AAK1: variants seen among roughly 807,000 people sequenced by gnomAD.
AAK1 encodes the protein AP2-associated protein kinase 1.
A neutral mutation model predicts 116.0 loss-of-function variants in AAK1; 37 were observed. That is an observed-to-expected ratio of 0.32 (90% confidence interval 0.25 to 0.42). The LOEUF (loss-of-function observed/expected upper bound fraction) is 0.42. Ranked by LOEUF, AAK1 falls within the 10% of genes least tolerant of loss-of-function variation. AAK1 has a pLI of 1.00. For synonymous variants in AAK1, 458 were observed against 439.9 expected, an observed-to-expected ratio of 1.04 and a Z score of -0.51; for missense variants, 919 against 1,170.6, an observed-to-expected ratio of 0.79 and a Z score of 3.14.
chr2:69,476,233 A>G (rs1674852433), intron 21 of AAK1, among the ~76,000 whole-genome samples: 1 of 152,196 alleles, frequency 6.6e-6, no homozygotes, highest in Admixed American at 6.5e-5. Context: ...CAAAGAGGGC[A>G]CTATTTTCAA....
At chr2:69,614,787 G>A (rs946162266) in intron 2 of AAK1, among the ~76,000 whole-genome samples, 2 of 152,150 alleles carry the variant, frequency 1.3e-5, no homozygotes, top group African/African-American at 4.8e-5. Flanking sequence ...GTCCTTAGAA[G>A]AGACACTCAG....
chr2:69,484,880 T>A (rs2312206), intron 17 of AAK1, among the ~76,000 whole-genome samples: 7,429 of 142,452 alleles, frequency 0.052, 426 homozygotes, highest in East Asian at 0.2. Context: ...AAAAAAAAAA[T>A]AATAATAATA....
At chr2:69,511,482 C>T (rs569203527) in intron 13 of AAK1, among the ~76,000 whole-genome samples, 1 of 152,232 alleles carries the variant, frequency 6.6e-6, no homozygotes, top group Non-Finnish European at 1.5e-5. Flanking sequence ...ACCACAGCTC[C>T]AGCTCCACAA....
chr2:69,465,627 T>A lies in AAK1; in HGVS notation c.*10242A>T, dbSNP rs755145042. 7.7e-7 allele frequency: 1 copy of A among 1,290,878 alleles called. No homozygotes were observed. The highest frequency in any genetic ancestry group is 1.2e-5 in the South Asian group (1 of 81,024). The allele number at this position is 1,290,878 out of a possible 1,614,324, so 80.0% of individuals were successfully genotyped here. A position where few individuals can be genotyped will look rare whatever the true frequency, so the allele number is the denominator to read the frequency against. Reference sequence around the variant, plus strand: ...GTCTTCTGGGCTATAGTGACGGGAATACTTGGATAAGGACTGGGGGCGGAA... The same window carrying A: ...GTCTTCTGGGCTATAGTGACGGGAAAACTTGGATAAGGACTGGGGGCGGAA... On this transcript the variant is annotated 3_prime_UTR_variant, in exon 22 of 22. Coordinates refer to ENST00000409085, the MANE Select transcript of AAK1 (RefSeq NM_014911.5).
At chr2:69,557,385 T>TTGACCTCC (rs1671430973) in intron 2 of AAK1, among the ~76,000 whole-genome samples, 2 of 151,870 alleles carry the variant, frequency 1.3e-5, no homozygotes, top group South Asian at 4.2e-4. Flanking sequence ...CACTGCAGCC[T>TTGACCTCC]TGACCTCCTG....
intron 2 of AAK1, among the ~76,000 whole-genome samples, chr2:69,579,757 T>C (rs1010087783): frequency 2.0e-5 from 3 of 152,190 alleles, no homozygotes; most frequent in Admixed American, 6.5e-5. Context: ...TCCTGAGTCA[T>C]CTCTGTTCAC....
intron 16 of AAK1, among the ~76,000 whole-genome samples, chr2:69,503,751 C>T (rs1676065731): frequency 6.6e-6 from 1 of 152,138 alleles, no homozygotes; most frequent in South Asian, 2.1e-4. Context: ...AAACTCTTGA[C>T]CTTAAGCGAT....
At chr2:69,638,846 C>T (rs1050481878) in intron 2 of AAK1, among the ~76,000 whole-genome samples, 3 of 152,320 alleles carry the variant, frequency 2.0e-5, no homozygotes, top group East Asian at 3.9e-4. Context: ...TCAAAGGCCA[C>T]GCTTAAGTGC....
chr2:69,473,296 C>T lies in AAK1; in HGVS notation c.*2573G>A. ...AGAGGATGGTGGACTAGAGGATGGT[C>T]TCAAAGGTCCCTTTGTAGCTCAGGC... On this transcript the variant is annotated 3_prime_UTR_variant, in exon 22 of 22. Coordinates refer to ENST00000409085, the MANE Select transcript of AAK1 (RefSeq NM_014911.5). 2.0e-5 allele frequency: 20 copies of T among 983,916 alleles called. No homozygotes were observed. Among genetic ancestry groups the T allele is most frequent in the Non-Finnish European group, 2.4e-5 (20 of 828,502 alleles). 60.9% of individuals were successfully genotyped at this position (983,916 alleles called of 1,614,324 possible).
chr2:69,546,257 G>C (rs185921470), intron 3 of AAK1, among the ~76,000 whole-genome samples: 1 of 152,312 alleles, frequency 6.6e-6, no homozygotes, highest in East Asian at 1.9e-4. Flanking sequence ...TGACAAAGAA[G>C]TTTGATGAGA....
At chr2:69,545,825 G>C (rs1187670378) in intron 3 of AAK1, among the ~76,000 whole-genome samples, 1 of 152,186 alleles carries the variant, frequency 6.6e-6, no homozygotes, top group East Asian at 1.9e-4. Flanking sequence ...AGATGGGATG[G>C]TGGTGAGAAT....
In AAK1 at chr2:69,474,177, T is replaced by G. The variant is rs1352944536; in HGVS notation, c.*1692A>C. The G allele has an allele frequency of 1.0e-6, 1 of 985,776 alleles. No individual in the cohort carries two copies. The highest frequency in any genetic ancestry group is 1.7e-5 in the African/African-American group (1 of 57,256). The allele number at this position is 985,776 out of a possible 1,614,324, so 61.1% of individuals were successfully genotyped here. ...GCAGTGTTTTATAGGCTGTTGTTGC[T>G]GTTAAACTTTTTTCCCCCATAAAGT... On this transcript the variant is annotated 3_prime_UTR_variant, in exon 22 of 22. Transcript: ENST00000409085.
intron 12 of AAK1, among the ~76,000 whole-genome samples, chr2:69,516,243 G>A (rs1676574486): frequency 6.6e-6 from 1 of 151,616 alleles, no homozygotes; most frequent in Non-Finnish European, 1.5e-5. Flanking sequence ...GTAATCATAT[G>A]GTTATTGCTA....
rs192924040 is a variant in AAK1, at chr2:69,614,828, T to G, written c.163+28050A>C. On this transcript the variant is annotated intron_variant, in intron 2 of 21. Transcript: ENST00000409085. ...AGACACACAGAAGAGGAGAAGGTCA[T>G]GCAAAAACTGAGACAGGGACTGGAG... 4.6e-5 allele frequency among the ~76,000 whole-genome samples: 7 copies of G among 152,222 alleles called. No homozygotes were observed. The East Asian group carries it at 1.4e-3, about 29-fold the overall frequency.
chr2:69,621,544 C>T (rs1674628375), intron 2 of AAK1, among the ~76,000 whole-genome samples: 1 of 152,004 alleles, frequency 6.6e-6, no homozygotes, highest in South Asian at 2.1e-4. Context: ...GAACAGAAGC[C>T]CTAGTAGAAG....
chr2:69,583,210 A>T (rs921583068), intron 2 of AAK1, among the ~76,000 whole-genome samples: 1 of 152,248 alleles, frequency 6.6e-6, no homozygotes, highest in East Asian at 1.9e-4. Context: ...CATTTGCCAC[A>T]TTTTGGTGAT....
rs1476207731 is a variant in AAK1 at position 69,461,518 on chromosome 2, A to T, written c.*14351T>A. ...CATCACCAAAAAAAAAAAAAAAAGTAATTTGCATGTGTTTGCATCCGTTTC... is the reference window on the plus strand; with the variant it reads ...CATCACCAAAAAAAAAAAAAAAAGTTATTTGCATGTGTTTGCATCCGTTTC... On this transcript the variant is annotated 3_prime_UTR_variant, in exon 22 of 22. Transcript: ENST00000409085. 2.2e-5 allele frequency: 5 copies of T among 225,774 alleles called. No individual in the cohort carries two copies. Among genetic ancestry groups the T allele is most frequent in the African/African-American group, 1.0e-4 (4 of 39,738 alleles). The allele number at this position is 225,774 out of a possible 1,614,324, so 14.0% of individuals were successfully genotyped here.
intron 13 of AAK1, among the ~76,000 whole-genome samples, chr2:69,510,166 AAG>A (rs1264277865): frequency 6.6e-6 from 1 of 152,152 alleles, no homozygotes; most frequent in East Asian, 1.9e-4. Flanking sequence ...CCTAGTACAC[AAG>A]AGTTATTTTT....
intron 3 of AAK1, among the ~76,000 whole-genome samples, chr2:69,554,471 A>C (rs1242997304): frequency 1.3e-5 from 2 of 152,234 alleles, no homozygotes; most frequent in Non-Finnish European, 2.9e-5. Context: ...AATTCAGTTG[A>C]AATAGTTTTC....
Sources: allele counts gnomAD v4.1 joint callset (sites outside exome capture counted in the v4.1 genomes callset), GRCh38; gene constraint gnomAD v4.1.1; transcripts MANE v1.5; gene names NCBI Gene and HGNC (gene_info 2026-07-23, HGNC 2026-07-21).